Variants in SIRPA observed in about 807,000 individuals in gnomAD.
SIRPA encodes the protein tyrosine-protein phosphatase non-receptor type substrate 1.
In SIRPA, 9 loss-of-function variants were observed where a neutral mutation model predicts 50.3. The ratio of observed to expected loss-of-function variants is 0.18; its 90% CI spans 0.11 to 0.31. The LOEUF is 0.31. Ranked by LOEUF, SIRPA falls within the 10% of genes least tolerant of loss-of-function variation. The pLI is 1.00. For synonymous variants in SIRPA, 265 were observed against 284.1 expected, an observed-to-expected ratio of 0.93 and a Z score of 0.68; for missense variants, 474 against 661.6, an observed-to-expected ratio of 0.72 and a Z score of 3.11.
chr20:1,904,376 G>T (rs1984421974), intron 1 of SIRPA, among the ~76,000 whole-genome samples: 1 of 152,224 alleles, frequency 6.6e-6, no homozygotes, highest in Non-Finnish European at 1.5e-5. Flanking sequence ...CTGGGGGTTG[G>T]CTTGGAGGCC....
At position 1,895,421 on chromosome 20, in the gene SIRPA, T is replaced by C; in HGVS notation, c.-27T>C. 7.3e-7 allele frequency: 1 copy of C among 1,366,062 alleles called. No individual in the cohort carries two copies. 84.6% of individuals were successfully genotyped at this position (1,366,062 alleles called of 1,614,324 possible). A position where few individuals can be genotyped will look rare whatever the true frequency, so the allele number is the denominator to read the frequency against. Reference sequence around the variant, plus strand: ...CCCGAGCGCGCACTCACGGCCGCTCTCCCTCCTCGCTCCGCAGCCGCGGCC... The same window carrying C: ...CCCGAGCGCGCACTCACGGCCGCTCCCCCTCCTCGCTCCGCAGCCGCGGCC... On this transcript the variant is annotated 5_prime_UTR_variant, in exon 1 of 8. Transcript: ENST00000358771.
Position 1,927,906 on chromosome 20 carries a change from G to A in SIRPA, c.1226+7G>A, listed in dbSNP as rs373935826. 5 of 1,612,920 alleles carry A rather than the reference G, an allele frequency of 3.1e-6. No homozygotes were observed. In the African/African-American group the frequency reaches 6.7e-5, roughly 22 times the overall value. Reference sequence around the variant, plus strand: ...GCTCCACTTCTTCTACAAGGTAAGTGCATCATTGGTCCAGACCCTCTTGCA... The same window carrying A: ...GCTCCACTTCTTCTACAAGGTAAGTACATCATTGGTCCAGACCCTCTTGCA... On this transcript the variant is annotated splice_region_variant and intron_variant, in intron 6 of 7. Coordinates refer to ENST00000358771, the MANE Select transcript of SIRPA (RefSeq NM_001040023.2). The surrounding 1 kb of genome is among the most constrained non-coding windows in gnomAD (Gnocchi z 6.5).
In SIRPA at chr20:1,937,376, T is replaced by C; in HGVS notation, c.1323T>C (p.Ala441=). The stretch of plus-strand genomic sequence containing the variant: ...ACCTGCCCAAGGGGAAGAAGCCTGC[T>C]CCCCAGGCTGCGGAGCCCAACAACC... ...DLNLPKGKKP[A]PQAAEPNNHT... Residue 441 remains alanine, a synonymous_variant, in exon 8 of 8, where the codon GCT becomes GCC. Coordinates refer to ENST00000358771, the MANE Select transcript of SIRPA (RefSeq NM_001040023.2). The surrounding 1 kb of genome is among the most constrained non-coding windows in gnomAD (Gnocchi z 8.3). 1.2e-6 allele frequency: 2 copies of C among 1,613,940 alleles called. No homozygotes were observed. The highest frequency in any genetic ancestry group is 1.1e-5 in the South Asian group (1 of 91,072).
chr20:1,901,983 G>A (rs981913072), intron 1 of SIRPA, among the ~76,000 whole-genome samples: 1 of 152,226 alleles, frequency 6.6e-6, no homozygotes, highest in Non-Finnish European at 1.5e-5. Flanking sequence ...ATGGAAGCCC[G>A]TGGTGGAAGG....
At position 1,895,580 on chromosome 20, in the gene SIRPA, C is replaced by G. The variant is rs1436279990; in HGVS notation, c.79+54C>G. 7 of 1,300,636 alleles carry G rather than the reference C, an allele frequency of 5.4e-6. No individual in the cohort carries two copies. In the African/African-American group the frequency reaches 9.4e-5, roughly 17 times the overall value. 80.6% of individuals were successfully genotyped at this position (1,300,636 alleles called of 1,614,324 possible). On this transcript the variant is annotated intron_variant, in intron 1 of 7. Coordinates refer to ENST00000358771, the MANE Select transcript of SIRPA (RefSeq NM_001040023.2). Reference sequence around the variant, plus strand: ...CACTCCCCAAACTGCGGGCTCAGGCCTCTCAGACTGGCACTGGGACCCCTT... The same window carrying G: ...CACTCCCCAAACTGCGGGCTCAGGCGTCTCAGACTGGCACTGGGACCCCTT...
intron 2 of SIRPA, among the ~76,000 whole-genome samples, chr20:1,917,827 C>T (rs1329813576): frequency 2.0e-5 from 3 of 152,112 alleles, no homozygotes. Context: ...GTCAGGAGCC[C>T]ACTGACTTCA....
At position 1,906,389 on chromosome 20, in the gene SIRPA, A is replaced by C. The variant is rs1038081941; in HGVS notation, c.80-8710A>C. On this transcript the variant is annotated intron_variant, in intron 1 of 7. Transcript: ENST00000358771. Reference sequence around the variant, plus strand: ...TAACAAGGAAATGCGTAGCTTTTTGAGTGAGGATGACATATCGAACAATGA... The same window carrying C: ...TAACAAGGAAATGCGTAGCTTTTTGCGTGAGGATGACATATCGAACAATGA... 3.7e-4 allele frequency among the ~76,000 whole-genome samples: 56 copies of C among 152,308 alleles called. 1 individual carries two copies. Among genetic ancestry groups the C allele is most frequent in the African/African-American group, 1.2e-3 (50 of 41,570 alleles).
chr20:1,905,936 A>C (rs1346489829), intron 1 of SIRPA, among the ~76,000 whole-genome samples: 1 of 152,196 alleles, frequency 6.6e-6, no homozygotes, highest in Non-Finnish European at 1.5e-5. Context: ...CCCATGCCAG[A>C]GGGGCCTCAT....
In SIRPA at chr20:1,934,601, C is replaced by T. The variant is rs1358615309; in HGVS notation, c.1227-114C>T. 6 of 936,506 alleles carry T rather than the reference C, an allele frequency of 6.4e-6. No individual in the cohort carries two copies. The highest frequency in any genetic ancestry group is 2.5e-5 in the East Asian group (1 of 40,496). The allele number at this position is 936,506 out of a possible 1,614,324, so 58.0% of individuals were successfully genotyped here. ...AGTTGTATTTCTGTTATGAGTCCTT[C>T]GTTCATGTCCTCAACCCATATAGAA... On this transcript the variant is annotated intron_variant, in intron 6 of 7. Transcript: ENST00000358771. This position sits in a 1 kb window ranked among gnomAD's most constrained non-coding sequence, Gnocchi z 4.6.
intron 2 of SIRPA, among the ~76,000 whole-genome samples, chr20:1,917,981 G>C (rs1985401699): frequency 1.3e-5 from 2 of 152,154 alleles, no homozygotes; most frequent in South Asian, 4.1e-4. Flanking sequence ...TTGCTCAATT[G>C]ATTGACATGA....
rs972346717 is a variant in SIRPA, at chr20:1,938,996, G to A, written c.*1428G>A. 6.6e-6 allele frequency: 1 copy of A among 152,650 alleles called. No individual in the cohort carries two copies. The highest frequency in any genetic ancestry group is 6.5e-5 in the Admixed American group (1 of 15,286). 9.5% of individuals were successfully genotyped at this position (152,650 alleles called of 1,614,324 possible). A position where few individuals can be genotyped will look rare whatever the true frequency, so the allele number is the denominator to read the frequency against. Reference sequence around the variant, plus strand: ...TCTCAAACCCTACTGGGATCAAACTGGAATAAATTGAAGACAGCCAGGGGG... The same window carrying A: ...TCTCAAACCCTACTGGGATCAAACTAGAATAAATTGAAGACAGCCAGGGGG... On this transcript the variant is annotated 3_prime_UTR_variant, in exon 8 of 8. Coordinates refer to ENST00000358771, the MANE Select transcript of SIRPA (RefSeq NM_001040023.2).
rs924208543 is a variant in SIRPA, at chr20:1,939,368, A to G, written c.*1800A>G. On this transcript the variant is annotated 3_prime_UTR_variant, in exon 8 of 8. Coordinates refer to ENST00000358771, the MANE Select transcript of SIRPA (RefSeq NM_001040023.2). The surrounding 1 kb of genome is among the most constrained non-coding windows in gnomAD (Gnocchi z 4.7). Reference sequence around the variant, plus strand: ...TGGGGGATGGTCACCTGGTGATTTCAATGATGGCATCCAGGAATTAGCTGA... The same window carrying G: ...TGGGGGATGGTCACCTGGTGATTTCGATGATGGCATCCAGGAATTAGCTGA... The G allele has an allele frequency of 6.6e-6, 1 of 152,156 alleles. No homozygotes were observed. The highest frequency in any genetic ancestry group is 6.5e-5 in the Admixed American group (1 of 15,268). The allele number at this position is 152,156 out of a possible 1,614,324, so 9.4% of individuals were successfully genotyped here.
chr20:1,931,149 G>A (rs1311649417), intron 6 of SIRPA, among the ~76,000 whole-genome samples: 1 of 152,094 alleles, frequency 6.6e-6, no homozygotes. Flanking sequence ...AATCCCCAAA[G>A]GACTTGTTAA....
intron 1 of SIRPA, among the ~76,000 whole-genome samples, chr20:1,902,922 G>C (rs1029827586): frequency 2.0e-5 from 3 of 148,378 alleles, no homozygotes; most frequent in Non-Finnish European, 4.4e-5. Context: ...TGCGGCAGGA[G>C]AATCGCTTGA....
intron 6 of SIRPA, among the ~76,000 whole-genome samples, chr20:1,931,391 C>G (rs1986290567): frequency 6.6e-6 from 1 of 151,306 alleles, no homozygotes; most frequent in Non-Finnish European, 1.5e-5. Context: ...GCCTCGACAT[C>G]TCTTGTACTA....
Position 1,896,950 on chromosome 20 carries a change from T to G in SIRPA, c.79+1424T>G, listed in dbSNP as rs62192710. Among the ~76,000 whole-genome samples the G allele has an allele frequency of 5.5e-3, 832 of 152,328 alleles. 4 individuals carry two copies. The highest frequency in any genetic ancestry group is 0.044 in the Middle Eastern group (13 of 294). On this transcript the variant is annotated intron_variant, in intron 1 of 7. Coordinates refer to ENST00000358771, the MANE Select transcript of SIRPA (RefSeq NM_001040023.2). ...AGTCCGAGTTCCTGCCCTGCCATCC[T>G]TCCTGGCCTGGAAATGCACAAGTGT...
In SIRPA at chr20:1,895,416, C is replaced by G. The variant is rs1157641885; in HGVS notation, c.-32C>G. ...TCCCGCCCGAGCGCGCACTCACGGC[C>G]GCTCTCCCTCCTCGCTCCGCAGCCG... On this transcript the variant is annotated 5_prime_UTR_variant, in exon 1 of 8. Transcript: ENST00000358771. 5 of 1,342,330 alleles carry G rather than the reference C, an allele frequency of 3.7e-6. No homozygotes were observed. The East Asian group carries it at 1.5e-4, about 42-fold the overall frequency. 83.2% of individuals were successfully genotyped at this position (1,342,330 alleles called of 1,614,324 possible). A position where few individuals can be genotyped will look rare whatever the true frequency, so the allele number is the denominator to read the frequency against.
chr20:1,926,088 A>G, intron 5 of SIRPA, among the ~76,000 whole-genome samples: 1 of 152,210 alleles, frequency 6.6e-6, no homozygotes, highest in East Asian at 1.9e-4. Flanking sequence ...CTAATCACGC[A>G]TCCCTTCAGT....
At chr20:1,907,612 C>G (rs1184320697) in intron 1 of SIRPA, among the ~76,000 whole-genome samples, 1 of 152,258 alleles carries the variant, frequency 6.6e-6, no homozygotes, top group East Asian at 1.9e-4. Context: ...GGGTTTCACT[C>G]TCTTCCAGAA....
Sources: gnomAD v4.1 joint callset for allele counts (sites outside exome capture counted in the v4.1 genomes callset) on GRCh38, gnomAD v4.1.1 for gene constraint, Gnocchi (gnomAD v3.1) non-coding constraint, MANE v1.5 for transcripts, NCBI Gene and HGNC (gene_info 2026-07-23, HGNC 2026-07-21) for gene names.